Variants in FAM186A observed in about 807,000 individuals in gnomAD.
FAM186A encodes the protein family with sequence similarity 186 member A.
A neutral mutation model predicts 216.8 loss-of-function variants in FAM186A; 163 were observed. That is an observed-to-expected ratio of 0.75 (90% CI 0.66 to 0.86). FAM186A has a LOEUF of 0.86. Among genes scored for constraint, FAM186A ranks in the 40% least tolerant of loss-of-function variants. The pLI, the probability that FAM186A is intolerant of heterozygous loss-of-function variation, is 0.00. For missense variants in FAM186A, 2,184 were observed against 2,746.2 expected (o/e 0.80, Z 4.58); for synonymous variants, 805 against 1,025.3 (o/e 0.79, Z 4.10).
rs1026888483 is a variant in FAM186A at position 50,337,507 on chromosome 12, C to G, written c.6504-3404G>C. On this transcript the variant is annotated intron_variant, in intron 4 of 7. Coordinates refer to ENST00000327337, the MANE Select transcript of FAM186A (RefSeq NM_001145475.3). The stretch of plus-strand genomic sequence containing the variant: ...AGAGATGGGGTTTTACCATATTGCC[C>G]AGGCTGGTCTTTAACTCCTGGGACC... Among the ~76,000 whole-genome samples the G allele has an allele frequency of 2.7e-5, 4 of 150,336 alleles. No individual in the cohort carries two copies. In the East Asian group the frequency reaches 7.9e-4, roughly 30 times the overall value.
At position 50,342,246 on chromosome 12, in the gene FAM186A, C is replaced by A. The variant is rs549307450; in HGVS notation, c.6503+8083G>T. Among the ~76,000 whole-genome samples the A allele has an allele frequency of 1.8e-3, 269 of 150,830 alleles. 1 individual carries two copies. The highest frequency in any genetic ancestry group is 6.2e-3 in the African/African-American group (255 of 41,180). On this transcript the variant is annotated intron_variant, in intron 4 of 7. Transcript: ENST00000327337. ...GCTTGAACCTGGGAGGCAGAGGTTG[C>A]AGTGAGCTGAGATCATGCCACTGCA...
At chr12:50,389,457 G>A (rs1026639679) in intron 1 of FAM186A, among the ~76,000 whole-genome samples, 3 of 152,144 alleles carry the variant, frequency 2.0e-5, no homozygotes, top group African/African-American at 7.2e-5. Flanking sequence ...CTGAGATCGC[G>A]ACATTGCACG....
At position 50,330,697 on chromosome 12, in the gene FAM186A, T is replaced by C. The variant is rs1204711393; in HGVS notation, c.6910A>G (p.Ile2304Val). 2.6e-6 allele frequency: 4 copies of C among 1,548,192 alleles called. No individual in the cohort carries two copies. The highest frequency in any genetic ancestry group is 2.0e-5 in the Admixed American group (1 of 50,136). Residue 2304 changes from isoleucine (I) to valine (V), a missense_variant, in exon 7 of 8, where the codon ATA becomes GTA. Ile to Val is a conservative substitution (Grantham distance 29). This residue lies in a region of FAM186A where 721 missense variants were observed against 816.4 expected (regional missense o/e 0.88). Coordinates refer to ENST00000327337, the MANE Select transcript of FAM186A (RefSeq NM_001145475.3). ...GAATGCATAGATGTCTTCTCTGCTA[T>C]TGGGTAGCTTGAAGTGGACAGATCA... is the stretch of plus-strand genomic sequence containing the variant. ...NVDLSTSSYP[I>V]AEKTSMHSLW...
intron 3 of FAM186A, among the ~76,000 whole-genome samples, chr12:50,358,278 T>C (rs1256286271): frequency 6.6e-6 from 1 of 152,154 alleles, no homozygotes; most frequent in African/African-American, 2.4e-5. Flanking sequence ...AAATCACTTT[T>C]CTGATAAAGG....
intron 1 of FAM186A, among the ~76,000 whole-genome samples, chr12:50,394,689 G>A (rs1163354943): frequency 1.4e-5 from 2 of 145,140 alleles, no homozygotes; most frequent in African/African-American, 5.1e-5. Flanking sequence ...GGCCTCCAAA[G>A]TGCTGGGATT....
chr12:50,329,742 G>A (rs757504472), intron 7 of FAM186A, among the ~76,000 whole-genome samples: 3 of 151,956 alleles, frequency 2.0e-5, no homozygotes, highest in African/African-American at 4.8e-5. Flanking sequence ...GATTACAGAC[G>A]TACACCATCA....
intron 1 of FAM186A, among the ~76,000 whole-genome samples, chr12:50,393,321 T>C (rs558198025): frequency 5.2e-4 from 79 of 151,910 alleles, no homozygotes; most frequent in Non-Finnish European, 1.0e-3. Flanking sequence ...GAGGATCACC[T>C]GAGGTCAGGA....
intron 1 of FAM186A, among the ~76,000 whole-genome samples, chr12:50,392,930 T>A: frequency 2.1e-4 from 1 of 4,670 alleles, no homozygotes; most frequent in African/African-American, 2.7e-4. Context: ...ACTTGTATAC[T>A]TTTTTTTTTT....
At chr12:50,335,628 A>G (rs546239801) in intron 4 of FAM186A, among the ~76,000 whole-genome samples, 1 of 151,602 alleles carries the variant, frequency 6.6e-6, no homozygotes, top group Admixed American at 6.6e-5. Context: ...TGGGCAACAG[A>G]GTGTGAGATC....
chr12:50,389,321 A>C (rs530065501), intron 1 of FAM186A, among the ~76,000 whole-genome samples: 67 of 152,114 alleles, frequency 4.4e-4, no homozygotes, highest in African/African-American at 1.6e-3. Context: ...ACCAACATGG[A>C]GAAACCCCGT....
rs762525161 is a variant in FAM186A at position 50,396,507 on chromosome 12, T to C, written c.-23A>G. The C allele has an allele frequency of 3.3e-6, 5 of 1,527,946 alleles. No homozygotes were observed. The South Asian group carries it at 6.3e-5, about 19-fold the overall frequency. 94.6% of individuals were successfully genotyped at this position (1,527,946 alleles called of 1,614,324 possible). A position where few individuals can be genotyped will look rare whatever the true frequency, so the allele number is the denominator to read the frequency against. On this transcript the variant is annotated 5_prime_UTR_variant, in exon 1 of 8. Transcript: ENST00000327337. ...CATTTTGAAAATGTGGGTGATTTCG[T>C]TTTATTTCTTCTTTTTCACAGAATC...
intron 3 of FAM186A, among the ~76,000 whole-genome samples, chr12:50,357,217 A>T (rs1243178634): frequency 6.6e-6 from 1 of 151,812 alleles, no homozygotes; most frequent in Non-Finnish European, 1.5e-5. Context: ...GATAAAAAAG[A>T]CACACATTTG....
At chr12:50,346,103 A>C (rs1565881543) in intron 4 of FAM186A, among the ~76,000 whole-genome samples, 1 of 148,094 alleles carries the variant, frequency 6.8e-6, no homozygotes, top group African/African-American at 2.5e-5. Flanking sequence ...TCTGTGAGGC[A>C]GAAGTTGCAG....
intron 1 of FAM186A, among the ~76,000 whole-genome samples, chr12:50,393,434 C>A (rs75770148): frequency 2.2e-4 from 33 of 151,340 alleles, no homozygotes; most frequent in Non-Finnish European, 4.1e-4. Context: ...CTCAGCTGCT[C>A]GGGAGGCTGA....
intron 4 of FAM186A, among the ~76,000 whole-genome samples, chr12:50,346,997 CAA>C (rs58421325): frequency 0.038 from 4,968 of 131,676 alleles, 87 homozygotes; most frequent in South Asian, 0.088. Context: ...GACTCTGTCT[CAA>C]AAAAAAAAAA....
intron 4 of FAM186A, among the ~76,000 whole-genome samples, chr12:50,345,039 G>A (rs1942799215): frequency 6.6e-6 from 1 of 152,094 alleles, no homozygotes; most frequent in Non-Finnish European, 1.5e-5. Context: ...ATCACCTGAA[G>A]TCAGGAGTTC....
chr12:50,394,324 G>C (rs1212279171), intron 1 of FAM186A, among the ~76,000 whole-genome samples: 1 of 151,976 alleles, frequency 6.6e-6, no homozygotes, highest in Non-Finnish European at 1.5e-5. Context: ...TTTGGAGTGG[G>C]GGTGGGTCAC....
At chr12:50,350,297 C>T in intron 4 of FAM186A, 32 bp downstream of exon 4, 2 of 1,479,562 alleles carry the variant, frequency 1.4e-6, no homozygotes, top group Non-Finnish European at 1.8e-6. Flanking sequence ...CAGAACTAAA[C>T]CAGAAAACTA....
intron 1 of FAM186A, among the ~76,000 whole-genome samples, chr12:50,372,681 A>T (rs944662853): frequency 1.3e-5 from 2 of 151,380 alleles, no homozygotes; most frequent in African/African-American, 4.9e-5. Flanking sequence ...CGGGTGGATC[A>T]CTTGAGGTCA....
Sources: allele counts gnomAD v4.1 joint callset (sites outside exome capture counted in the v4.1 genomes callset), GRCh38; gene constraint gnomAD v4.1.1; regional missense constraint gnomAD v4.1.1; transcripts MANE v1.5; gene names NCBI Gene and HGNC (gene_info 2026-07-23, HGNC 2026-07-21).